Variants in PRKCA observed in about 807,000 individuals in gnomAD.
PRKCA encodes protein kinase C alpha type.
Under a neutral mutation model 87.0 loss-of-function variants are expected in PRKCA, and 27 were observed. That is an observed-to-expected ratio of 0.31 (90% CI 0.23 to 0.43). PRKCA has a LOEUF of 0.43. PRKCA is among the 20% of genes least tolerant of loss of function. The probability of loss-of-function intolerance (pLI) is 1.00; values close to 1 mark genes in which losing one functional copy is unlikely to be tolerated. For missense variants in PRKCA, 518 were observed against 852.3 expected, an observed-to-expected ratio of 0.61 and a Z score of 4.88; for synonymous variants, 329 against 311.1, an observed-to-expected ratio of 1.06 and a Z score of -0.61.
chr17:66,635,248 A>G (rs1424788465), intron 3 of PRKCA, among the ~76,000 whole-genome samples: 1 of 152,148 alleles, frequency 6.6e-6, no homozygotes, highest in Non-Finnish European at 1.5e-5. Flanking sequence ...GATCATTTCC[A>G]TGATGAATTT....
At chr17:66,694,403 C>G (rs1366326315) in intron 8 of PRKCA, among the ~76,000 whole-genome samples, 2 of 147,504 alleles carry the variant, frequency 1.4e-5, no homozygotes, top group Non-Finnish European at 3.0e-5. Context: ...ATTGCCGGAA[C>G]CCAGGAGGTG....
chr17:66,413,883 A>G (rs774984790), intron 2 of PRKCA, among the ~76,000 whole-genome samples: 1 of 152,006 alleles, frequency 6.6e-6, no homozygotes, highest in Non-Finnish European at 1.5e-5. Flanking sequence ...GCATGGTGGC[A>G]GGCACCTGTA....
At chr17:66,602,638 A>T (rs1970083339) in intron 3 of PRKCA, among the ~76,000 whole-genome samples, 1 of 152,238 alleles carries the variant, frequency 6.6e-6, no homozygotes, top group Non-Finnish European at 1.5e-5. Flanking sequence ...TAAAATATGT[A>T]TTATGAGGGA....
intron 9 of PRKCA, among the ~76,000 whole-genome samples, 167 bp downstream of exon 9, chr17:66,732,992 A>G (rs1973940509): frequency 6.6e-6 from 1 of 152,114 alleles, no homozygotes; most frequent in African/African-American, 2.4e-5. Context: ...TCTACTAAAA[A>G]TACAAAAAAT....
intron 3 of PRKCA, among the ~76,000 whole-genome samples, chr17:66,608,115 C>T (rs964257269): frequency 3.3e-5 from 5 of 151,840 alleles, no homozygotes; most frequent in Admixed American, 1.3e-4. Flanking sequence ...TGGAGCACAC[C>T]GACTGAAGCA....
chr17:66,450,588 T>G (rs1278748348), intron 2 of PRKCA, among the ~76,000 whole-genome samples: 2 of 141,680 alleles, frequency 1.4e-5, no homozygotes, highest in Admixed American at 1.4e-4. Context: ...AAAGCTGCGG[T>G]TGGAAGAAGA....
At chr17:66,383,949 C>CAA (rs879546144) in intron 2 of PRKCA, among the ~76,000 whole-genome samples, 1 of 132,328 alleles carries the variant, frequency 7.6e-6, no homozygotes, top group African/African-American at 2.8e-5. Flanking sequence ...GACTCTGTCT[C>CAA]AAAAAAAAAA....
intron 2 of PRKCA, among the ~76,000 whole-genome samples, chr17:66,360,972 T>G (rs1908355177): frequency 6.6e-6 from 1 of 152,062 alleles, no homozygotes; most frequent in African/African-American, 2.4e-5. Context: ...TCTTTTTGTT[T>G]GGGGTAGGTG....
chr17:66,757,972 G>A (rs9901865), intron 13 of PRKCA, among the ~76,000 whole-genome samples: 3 of 152,158 alleles, frequency 2.0e-5, no homozygotes, highest in Non-Finnish European at 2.9e-5. Context: ...TGATCCACCC[G>A]CATCAGCCTT....
At chr17:66,470,756 G>A (rs977062425) in intron 2 of PRKCA, among the ~76,000 whole-genome samples, 1 of 152,164 alleles carries the variant, frequency 6.6e-6, no homozygotes, top group Non-Finnish European at 1.5e-5. Flanking sequence ...GACGAGCAGA[G>A]GCAATGAGAT....
chr17:66,776,952 C>T (rs572887472), intron 14 of PRKCA, among the ~76,000 whole-genome samples: 169 of 152,290 alleles, frequency 1.1e-3, no homozygotes, highest in African/African-American at 4.0e-3. Context: ...AGTTAAACTC[C>T]GCCATGTTGC....
chr17:66,796,778 A>G (rs1011788742), intron 16 of PRKCA: 2 of 985,430 alleles, frequency 2.0e-6, no homozygotes, highest in Non-Finnish European at 2.4e-6. Context: ...AGAGCTGTGC[A>G]GATGGTGGCG....
At chr17:66,717,319 A>G (rs9890708) in intron 8 of PRKCA, among the ~76,000 whole-genome samples, 90,923 of 152,006 alleles carry the variant, frequency 0.6, 27,331 homozygotes, top group Middle Eastern at 0.67. Context: ...GGAGAGTTAC[A>G]ACAGAGACAG....
chr17:66,704,688 C>T (rs1973148026), intron 8 of PRKCA, among the ~76,000 whole-genome samples: 1 of 152,130 alleles, frequency 6.6e-6, no homozygotes, highest in African/African-American at 2.4e-5. Flanking sequence ...ATTCAGATTG[C>T]CTGAAAAATC....
intron 3 of PRKCA, among the ~76,000 whole-genome samples, chr17:66,536,567 G>A (rs1022656811): frequency 4.6e-5 from 7 of 152,190 alleles, no homozygotes; most frequent in African/African-American, 1.7e-4. Flanking sequence ...TTCCCTTACT[G>A]GCCATGTAAC....
At chr17:66,754,225 T>TA (rs912305702) in intron 13 of PRKCA, among the ~76,000 whole-genome samples, 6 of 152,026 alleles carry the variant, frequency 3.9e-5, no homozygotes, top group African/African-American at 1.5e-4. Flanking sequence ...TTCATATATA[T>TA]ATGTATGTGT....
intron 2 of PRKCA, among the ~76,000 whole-genome samples, chr17:66,332,862 T>C (rs930848957): frequency 6.6e-6 from 1 of 152,024 alleles, no homozygotes; most frequent in African/African-American, 2.4e-5. Context: ...TGGCTAATTT[T>C]TTGTATTTTT....
chr17:66,312,326 G>A (rs528057902), intron 2 of PRKCA, among the ~76,000 whole-genome samples: 7 of 152,260 alleles, frequency 4.6e-5, no homozygotes, highest in African/African-American at 1.2e-4. Context: ...CCTGCCCTCC[G>A]AGTATTTCAC....
intron 14 of PRKCA, chr17:66,778,239 C>T (rs1050371321): frequency 4.1e-6 from 4 of 980,730 alleles, no homozygotes; most frequent in Non-Finnish European, 4.8e-6. Context: ...GATGGCTGGG[C>T]CCGGTGGCTC....
Sources: allele counts gnomAD v4.1 joint callset (sites outside exome capture counted in the v4.1 genomes callset), GRCh38; gene constraint gnomAD v4.1.1; transcripts MANE v1.5; gene names NCBI Gene and HGNC (gene_info 2026-07-23, HGNC 2026-07-21).